SQSTM1: variants seen among roughly 807,000 people sequenced by gnomAD.
SQSTM1 encodes the protein sequestosome-1.
A neutral mutation model predicts 45.1 loss-of-function variants in SQSTM1; 36 were observed. The observed-to-expected ratio is 0.80, with a 90% CI of 0.61 to 1.05. The LOEUF is 1.05. SQSTM1 is among the 50% of genes least tolerant of loss of function. The pLI, the probability that SQSTM1 is intolerant of heterozygous loss-of-function variation, is 0.00. For missense variants in SQSTM1, 617 were observed against 607.1 expected, an observed-to-expected ratio of 1.02 and a Z score of -0.17; for synonymous variants, 290 against 244.3, an observed-to-expected ratio of 1.19 and a Z score of -1.74.
At chr5:179,817,162 A>G (rs1757606658), upstream of SQSTM1, among the ~76,000 whole-genome samples, 1 of 152,112 alleles carries the variant, frequency 6.6e-6, no homozygotes, top group Admixed American at 6.5e-5. Context: ...GTTCGGGTCC[A>G]GTCTCCTCCC....
intron 1 of SQSTM1, among the ~76,000 whole-genome samples, chr5:179,811,298 C>T (rs1310125169): frequency 1.3e-5 from 2 of 148,318 alleles, no homozygotes; most frequent in African/African-American, 5.0e-5. Context: ...CTGGGTAGAG[C>T]CACAGAAGCT....
At chr5:179,818,069 T>C (rs897134106), upstream of SQSTM1, among the ~76,000 whole-genome samples, 14 of 143,224 alleles carry the variant, frequency 9.8e-5, no homozygotes, top group Non-Finnish European at 1.5e-4. Flanking sequence ...GGATTTTTCC[T>C]AGGGAGTGGT....
chr5:179,829,592 C>G (rs979718748), intron 5 of SQSTM1, among the ~76,000 whole-genome samples: 1 of 151,906 alleles, frequency 6.6e-6, no homozygotes, highest in Non-Finnish European at 1.5e-5. Context: ...TAAGAAAGTT[C>G]TTAAAATTAA....
At position 179,820,933 on chromosome 5, in the gene SQSTM1, C is replaced by T. The variant is rs920805837; in HGVS notation, c.-4C>T. 6 of 1,536,070 alleles carry T rather than the reference C, an allele frequency of 3.9e-6. No homozygotes were observed. In the Admixed American group the frequency reaches 5.6e-5, roughly 14 times the overall value. On this transcript the variant is annotated 5_prime_UTR_variant, in exon 1 of 8. Transcript: ENST00000389805. Reference sequence around the variant, plus strand: ...GCCCGTTTTCCGCCAGCTCGCCGCTCGCTATGGCGTCGCTCACCGTGAAGG... The same window carrying T: ...GCCCGTTTTCCGCCAGCTCGCCGCTTGCTATGGCGTCGCTCACCGTGAAGG...
chr5:179,833,524 G>A, intron 6 of SQSTM1, 63 bp from the exon 7 acceptor site: 7 of 1,573,106 alleles, frequency 4.4e-6, no homozygotes, highest in Non-Finnish European at 6.1e-6. Context: ...AGGAGCCAGG[G>A]CCATGGTCAG....
At chr5:179,835,302 G>A (rs1479730281) in intron 7 of SQSTM1, 14 of 175,474 alleles carry the variant, frequency 8.0e-5, no homozygotes, top group Non-Finnish European at 1.4e-4. Flanking sequence ...GGCAGAGGCT[G>A]CAATCTCGGC....
chr5:179,828,081 G>A (rs1758069693), intron 5 of SQSTM1, among the ~76,000 whole-genome samples: 1 of 152,156 alleles, frequency 6.6e-6, no homozygotes, highest in African/African-American at 2.4e-5. Flanking sequence ...GAGGCAGCAG[G>A]GCACGGAGCA....
At chr5:179,825,122 A>G (rs745894001) in intron 4 of SQSTM1, 24 bp from the exon 5 acceptor site, 15 of 1,611,602 alleles carry the variant, frequency 9.3e-6, no homozygotes, top group South Asian at 2.2e-5. Flanking sequence ...AGATATCTTT[A>G]TCTTATCTTT....
At chr5:179,814,948 C>T (rs1016455469), upstream of SQSTM1, among the ~76,000 whole-genome samples, 4 of 152,168 alleles carry the variant, frequency 2.6e-5, no homozygotes, top group African/African-American at 9.7e-5. Flanking sequence ...TAGAATGTTT[C>T]CTAGCATAAA....
At chr5:179,828,957 T>C (rs1758106302) in intron 5 of SQSTM1, among the ~76,000 whole-genome samples, 1 of 151,726 alleles carries the variant, frequency 6.6e-6, no homozygotes, top group African/African-American at 2.4e-5. Context: ...GAACAGGGCA[T>C]CCTGGTGAGA....
chr5:179,807,434 C>T (rs1757222267), intron 1 of SQSTM1: 1 of 152,350 alleles, frequency 6.6e-6, no homozygotes, highest in African/African-American at 2.4e-5. Flanking sequence ...ATGGGCCTTT[C>T]TAGGCGGTAT....
chr5:179,824,277 T>G lies in SQSTM1; in HGVS notation c.627T>G (p.Arg209=). The change falls in exon 4 of 8, where the codon CGT becomes CGG. Residue 209 remains arginine, a synonymous_variant. Transcript: ENST00000389805. ...GTCCACCAGGAAACTGGAGCCCACG[T>G]CCTCCTCGTGCAGGGGAGGCCCGCC... is the stretch of plus-strand genomic sequence containing the variant. ...EMGPPGNWSP[R]PPRAGEARPG... The G allele has an allele frequency of 1.9e-6, 3 of 1,613,646 alleles. No homozygotes were observed. Among genetic ancestry groups the G allele is most frequent in the South Asian group, 1.1e-5 (1 of 91,076 alleles).
At chr5:179,832,834 G>A (rs1168792007) in intron 5 of SQSTM1, among the ~76,000 whole-genome samples, 198 bp from the exon 6 acceptor site, 2 of 152,152 alleles carry the variant, frequency 1.3e-5, no homozygotes, top group African/African-American at 4.8e-5. Context: ...CATACTGGCT[G>A]TGTGATTGCG....
At chr5:179,832,968 C>T in intron 5 of SQSTM1, 64 bp from the exon 6 acceptor site, 1 of 1,548,174 alleles carries the variant, frequency 6.5e-7, no homozygotes, top group Non-Finnish European at 8.9e-7. Flanking sequence ...ACAGGCCAAG[C>T]TCCTGCTTGC....
intron 1 of SQSTM1, among the ~76,000 whole-genome samples, chr5:179,822,136 C>T (rs1757807179): frequency 6.6e-6 from 1 of 152,210 alleles, no homozygotes; most frequent in Non-Finnish European, 1.5e-5. Flanking sequence ...CCAGCAACCT[C>T]CTTTCTGTAT....
At position 179,837,292 on chromosome 5, in the gene SQSTM1, T is replaced by C. The variant is rs1758620974; in HGVS notation, c.*699T>C. ...AGAGAGAAATGATTGACAGTAAGTT[T>C]ATTGTTAATGGTTCTTACAGAGTAT... On this transcript the variant is annotated 3_prime_UTR_variant, in exon 8 of 8. Coordinates refer to ENST00000389805, the MANE Select transcript of SQSTM1 (RefSeq NM_003900.5). 2 of 1,607,632 alleles carry C rather than the reference T, an allele frequency of 1.2e-6. No homozygotes were observed. The highest frequency in any genetic ancestry group is 2.2e-5 in the East Asian group (1 of 44,864).
intron 2 of SQSTM1, chr5:179,812,358 C>T (rs1184297879): frequency 6.6e-6 from 1 of 151,950 alleles, no homozygotes; most frequent in Non-Finnish European, 1.5e-5. Flanking sequence ...CGGGTTCCTT[C>T]CTGATGGAAT....
chr5:179,808,776 C>T (rs1485557435), intron 1 of SQSTM1, among the ~76,000 whole-genome samples: 8 of 152,178 alleles, frequency 5.3e-5, no homozygotes, highest in Admixed American at 2.6e-4. Flanking sequence ...AACATAGTGA[C>T]ACCTCATCTC....
At position 179,836,876 on chromosome 5, in the gene SQSTM1, G is replaced by C; in HGVS notation, c.*283G>C. On this transcript the variant is annotated 3_prime_UTR_variant, in exon 8 of 8. Coordinates refer to ENST00000389805, the MANE Select transcript of SQSTM1 (RefSeq NM_003900.5). The stretch of plus-strand genomic sequence containing the variant: ...CGCGCTCCTGACCCCTCCCTGCAGG[G>C]GCTACGTTAGCAGCCCAGCACATAG... 1 of 613,824 alleles carries C rather than the reference G, an allele frequency of 1.6e-6. No individual in the cohort carries two copies. The highest frequency in any genetic ancestry group is 2.7e-5 in the East Asian group (1 of 36,624). The allele number at this position is 613,824 out of a possible 1,614,324, so 38.0% of individuals were successfully genotyped here.
Sources: allele counts gnomAD v4.1 joint callset (sites outside exome capture counted in the v4.1 genomes callset), GRCh38; gene constraint gnomAD v4.1.1; transcripts MANE v1.5; gene names NCBI Gene and HGNC (gene_info 2026-07-23, HGNC 2026-07-21).